The following FGF14 variants were observed in gnomAD, a reference collection of about 807,000 sequenced individuals.
FGF14 encodes fibroblast growth factor 14.
Under a neutral mutation model 25.5 loss-of-function variants are expected in FGF14, and 5 were observed. That is an observed-to-expected ratio of 0.20 (90% CI 0.10 to 0.41). The LOEUF is 0.41. Ranked by LOEUF, FGF14 falls within the 10% of genes least tolerant of loss-of-function variation. The pLI is 1.00. For missense variants in FGF14, 222 were observed against 320.1 expected, an observed-to-expected ratio of 0.69 and a Z score of 2.34; for synonymous variants, 138 against 118.3, an observed-to-expected ratio of 1.17 and a Z score of -1.08.
chr13:101,973,285 T>C (rs899859859), intron 1 of FGF14, among the ~76,000 whole-genome samples: 4 of 152,188 alleles, frequency 2.6e-5, no homozygotes, highest in Non-Finnish European at 5.9e-5. Context: ...CTAATACCTT[T>C]AAATAAAATA....
chr13:101,943,732 G>C lies in FGF14; in HGVS notation c.209-68436C>G, dbSNP rs756037611. Reference sequence around the variant, plus strand: ...CTCACGCCTGTAATCCCAGCACTTTGGGAGGCCGAGACAGGCGGATCACCT... The same window carrying C: ...CTCACGCCTGTAATCCCAGCACTTTCGGAGGCCGAGACAGGCGGATCACCT... On this transcript the variant is annotated intron_variant, in intron 1 of 4. Coordinates refer to the FGF14 transcript ENST00000376131. Among the ~76,000 whole-genome samples the C allele has an allele frequency of 1.2e-4, 18 of 151,574 alleles. 1 individual carries two copies. Among genetic ancestry groups the C allele is most frequent in the Non-Finnish European group, 1.8e-4 (12 of 67,978 alleles).
chr13:102,274,920 A>G (rs185889726), intron 1 of FGF14, among the ~76,000 whole-genome samples: 54 of 151,382 alleles, frequency 3.6e-4, no homozygotes, highest in African/African-American at 1.2e-3. Context: ...TATTTATTAA[A>G]TAATGACGAG....
At chr13:101,934,591 C>T (rs936634785) in intron 1 of FGF14, among the ~76,000 whole-genome samples, 1 of 152,132 alleles carries the variant, frequency 6.6e-6, no homozygotes, top group African/African-American at 2.4e-5. Flanking sequence ...ATATGTTAGA[C>T]CTCAATAAAG....
At chr13:101,808,771 A>AT (rs1191774353) in intron 3 of FGF14, among the ~76,000 whole-genome samples, 1 of 152,128 alleles carries the variant, frequency 6.6e-6, no homozygotes, top group Non-Finnish European at 1.5e-5. Flanking sequence ...TTAAGCATAT[A>AT]TTGAATGAGG....
intron 1 of FGF14, among the ~76,000 whole-genome samples, chr13:102,088,737 G>T (rs191332784): frequency 9.2e-4 from 139 of 151,750 alleles, no homozygotes; most frequent in African/African-American, 3.0e-3. Context: ...TTCAAATTTG[G>T]GTACTTTATA....
chr13:101,765,409 G>A (rs1002997778), intron 3 of FGF14, among the ~76,000 whole-genome samples: 1 of 152,078 alleles, frequency 6.6e-6, no homozygotes, highest in African/African-American at 2.4e-5. Flanking sequence ...GACAACATTG[G>A]TCCCTGGGAA....
intron 3 of FGF14, among the ~76,000 whole-genome samples, chr13:101,763,142 T>G (rs1334104225): frequency 1.3e-5 from 2 of 152,122 alleles, no homozygotes; most frequent in East Asian, 3.9e-4. Flanking sequence ...GGGTTGGAAT[T>G]AGAGAGAATA....
chr13:101,964,305 A>G lies in FGF14; in HGVS notation c.209-89009T>C, dbSNP rs542157861. 9.2e-5 allele frequency among the ~76,000 whole-genome samples: 14 copies of G among 152,324 alleles called. 3 individuals are homozygous for G. The South Asian group carries it at 2.9e-3, about 32-fold the overall frequency. ...AGTTTTCATGTATTGTTTGACAAAC[A>G]TATATTATTTATACTAATAAATGTG... On this transcript the variant is annotated intron_variant, in intron 1 of 4. Transcript: ENST00000376131.
chr13:101,895,412 T>C (rs962667525), intron 1 of FGF14, among the ~76,000 whole-genome samples: 10 of 152,216 alleles, frequency 6.6e-5, no homozygotes, highest in Admixed American at 4.6e-4. Context: ...ATGTATTTCA[T>C]CTCCATTCCT....
intron 1 of FGF14, among the ~76,000 whole-genome samples, chr13:101,993,735 G>A (rs2039029807): frequency 6.6e-6 from 1 of 151,822 alleles, no homozygotes; most frequent in Admixed American, 6.6e-5. Flanking sequence ...GAGAAAATGG[G>A]ATTATATAGG....
chr13:102,106,680 A>T (rs1595295601), intron 1 of FGF14, among the ~76,000 whole-genome samples: 1 of 152,276 alleles, frequency 6.6e-6, no homozygotes, highest in East Asian at 1.9e-4. Context: ...CTTTACCCCC[A>T]AAGGACATGA....
At chr13:102,394,590 C>T (rs2058525593) in intron 1 of FGF14, 1 of 152,300 alleles carries the variant, frequency 6.6e-6, no homozygotes, top group Admixed American at 6.5e-5. Flanking sequence ...CGGAAACTTC[C>T]CGCGCTACGG....
At chr13:102,037,740 T>G (rs2041544023) in intron 1 of FGF14, among the ~76,000 whole-genome samples, 1 of 152,136 alleles carries the variant, frequency 6.6e-6, no homozygotes, top group Non-Finnish European at 1.5e-5. Context: ...TTAAAGAAAA[T>G]CAGTTGCACA....
At chr13:102,169,132 A>C (rs921855107) in intron 1 of FGF14, among the ~76,000 whole-genome samples, 2 of 151,070 alleles carry the variant, frequency 1.3e-5, no homozygotes, top group African/African-American at 4.9e-5. Context: ...GCTTTAGGCA[A>C]CTAGATTACA....
chr13:102,321,388 T>C (rs1463668804), intron 1 of FGF14, among the ~76,000 whole-genome samples: 1 of 152,110 alleles, frequency 6.6e-6, no homozygotes, highest in Admixed American at 6.6e-5. Flanking sequence ...CAAAGAATCA[T>C]AATGCAAAAA....
rs1285300380 is a variant in FGF14, at chr13:101,722,010, T to C, written c.*821A>G. Reference sequence around the variant, plus strand: ...GCAAATGTTACCATTACCAGTAAGCTTGTGATATGTATAAAACACACACAC... The same window carrying C: ...GCAAATGTTACCATTACCAGTAAGCCTGTGATATGTATAAAACACACACAC... On this transcript the variant is annotated 3_prime_UTR_variant, in exon 5 of 5. Coordinates refer to ENST00000376143, the MANE Select transcript of FGF14 (RefSeq NM_004115.4). The C allele has an allele frequency of 1.3e-5, 2 of 152,020 alleles. No individual in the cohort carries two copies. Among genetic ancestry groups the C allele is most frequent in the Admixed American group, 6.6e-5 (1 of 15,234 alleles). 9.4% of individuals were successfully genotyped at this position (152,020 alleles called of 1,614,324 possible). A position where few individuals can be genotyped will look rare whatever the true frequency, so the allele number is the denominator to read the frequency against.
intron 1 of FGF14, among the ~76,000 whole-genome samples, chr13:102,167,169 T>G (rs2048048374): frequency 6.6e-6 from 1 of 151,986 alleles, no homozygotes; most frequent in East Asian, 1.9e-4. Flanking sequence ...AACTAAAAAA[T>G]TTTTGTAAAA....
chr13:102,235,765 A>G (rs1251284539), intron 1 of FGF14, among the ~76,000 whole-genome samples: 1 of 152,168 alleles, frequency 6.6e-6, no homozygotes. Flanking sequence ...CTGAAACCAG[A>G]GTGACTCTAT....
At chr13:102,115,070 G>C (rs2045405444) in intron 1 of FGF14, among the ~76,000 whole-genome samples, 1 of 152,190 alleles carries the variant, frequency 6.6e-6, no homozygotes, top group Admixed American at 6.5e-5. Flanking sequence ...TTTGAGAAAT[G>C]AGAGTGGAGA....
Sources: allele counts gnomAD v4.1 joint callset (sites outside exome capture counted in the v4.1 genomes callset), GRCh38; gene constraint gnomAD v4.1.1; transcripts MANE v1.5; gene names NCBI Gene and HGNC (gene_info 2026-07-23, HGNC 2026-07-21).